COL27A1: variants seen among roughly 807,000 people sequenced by gnomAD.
COL27A1 encodes the protein collagen type XXVII alpha 1 chain.
COL27A1 carries 106 observed loss-of-function variants against 251.3 expected under a neutral mutation model. That is an observed-to-expected ratio of 0.42 (90% CI 0.36 to 0.50). COL27A1 has a LOEUF of 0.50. Among genes scored for constraint, COL27A1 ranks in the 20% least tolerant of loss-of-function variants. COL27A1 has a pLI of 0.00. For synonymous variants in COL27A1, 1,000 were observed against 986.3 expected (o/e 1.01, Z -0.26); for missense variants, 2,325 against 2,522.8 (o/e 0.92, Z 1.68).
chr9:114,295,295 C>T (rs1018371325), intron 49 of COL27A1, among the ~76,000 whole-genome samples: 24 of 152,156 alleles, frequency 1.6e-4, no homozygotes, highest in Admixed American at 3.3e-4. Context: ...TTGAGGAAGA[C>T]TTAAATAAAT....
chr9:114,233,928 C>T (rs1177412722), intron 16 of COL27A1, among the ~76,000 whole-genome samples: 3 of 152,158 alleles, frequency 2.0e-5, no homozygotes, highest in African/African-American at 7.2e-5. Context: ...CGCACACATC[C>T]GTGTCCCCTG....
At chr9:114,211,108 C>T in intron 12 of COL27A1, 82 bp downstream of exon 12, 2 of 1,399,960 alleles carry the variant, frequency 1.4e-6, no homozygotes, top group Non-Finnish European at 2.0e-6. Flanking sequence ...CCACCTGCTG[C>T]CTGGCATCTT....
rs1455681791 is a variant in COL27A1, at chr9:114,270,760, C to T, written c.3588C>T (p.Pro1196=). The T allele has an allele frequency of 6.2e-7, 1 of 1,613,270 alleles. No individual in the cohort carries two copies. Among genetic ancestry groups the T allele is most frequent in the Admixed American group, 1.7e-5 (1 of 59,826 alleles). ...GEPGLEGDSG[P]MGPDGLKGDR... is the part of the protein sequence containing the mutation. ...CAGGCCTTGAGGGTGACAGTGGCCC[C>T]ATGGGACCTGATGGGCTGAAGGTAA... The change falls in exon 36 of 61, where the codon CCC becomes CCT. Residue 1196 remains proline, a synonymous_variant. Transcript: ENST00000356083.
chr9:114,255,219 G>A (rs895464296), intron 27 of COL27A1, among the ~76,000 whole-genome samples: 3 of 152,194 alleles, frequency 2.0e-5, no homozygotes, highest in African/African-American at 7.2e-5. Context: ...TAGAAGCAGG[G>A]GGTCAGAGGA....
Position 114,205,796 on chromosome 9 carries a change from G to A in COL27A1, c.2207G>A (p.Gly736Asp). Reference protein sequence around the residue: ...PGPEGSPGAKGYPGRQGLPGP... With the variant: ...PGPEGSPGAKDYPGRQGLPGP... The stretch of plus-strand genomic sequence containing the variant: ...CCTGAGGGCAGCCCAGGGGCCAAAG[G>A]TTACCCTGGCAGGCAGGTGCAGTAT... The change falls in exon 9 of 61, where the codon GGT (glycine) becomes GAT (aspartate). Residue 736 changes from glycine to aspartate, a missense_variant. Physicochemically the swap from Gly to Asp is moderately conservative, Grantham distance 94. Coordinates refer to ENST00000356083, the MANE Select transcript of COL27A1 (RefSeq NM_032888.4). 2.5e-6 allele frequency: 4 copies of A among 1,613,638 alleles called. No individual in the cohort carries two copies. Among genetic ancestry groups the A allele is most frequent in the East Asian group, 2.2e-5 (1 of 44,886 alleles).
intron 2 of COL27A1, 24 bp downstream of exon 2, chr9:114,162,809 A>AC: frequency 6.4e-7 from 1 of 1,574,038 alleles, no homozygotes. Context: ...CTCTTTGTCC[A>AC]GGGGGAGACA....
At chr9:114,199,186 G>A (rs1314857998) in intron 7 of COL27A1, among the ~76,000 whole-genome samples, 5 of 152,080 alleles carry the variant, frequency 3.3e-5, no homozygotes, top group Non-Finnish European at 7.4e-5. Context: ...TCTCAACTTG[G>A]GGTGATTTTG....
intron 26 of COL27A1, 75 bp from the exon 27 acceptor site, chr9:114,252,804 C>A: frequency 6.6e-7 from 1 of 1,511,540 alleles, no homozygotes. Context: ...TGCACTGGGG[C>A]TGAGCCGACC....
chr9:114,237,122 T>C, intron 18 of COL27A1, 88 bp downstream of exon 18: 1 of 1,297,556 alleles, frequency 7.7e-7, no homozygotes, highest in Non-Finnish European at 1.1e-6. Flanking sequence ...CCTCCAAGAC[T>C]TCATTTCCTC....
intron 34 of COL27A1, among the ~76,000 whole-genome samples, chr9:114,267,904 C>G (rs1834857790): frequency 6.6e-6 from 1 of 152,218 alleles, no homozygotes; most frequent in Non-Finnish European, 1.5e-5. Context: ...GGAGAGCCCC[C>G]TCCCCATTCT....
At chr9:114,282,904 C>T (rs893113579) in intron 39 of COL27A1, among the ~76,000 whole-genome samples, 2 of 152,170 alleles carry the variant, frequency 1.3e-5, no homozygotes, top group Non-Finnish European at 2.9e-5. Flanking sequence ...CTGTTTTTAT[C>T]AAACAAGGAG....
intron 3 of COL27A1, among the ~76,000 whole-genome samples, chr9:114,171,277 G>A (rs1185036359): frequency 1.3e-5 from 2 of 152,116 alleles, no homozygotes; most frequent in Admixed American, 6.5e-5. Flanking sequence ...CCAAGGCCAC[G>A]CAGCACGGAG....
chr9:114,293,749 G>A (rs1828076277), intron 49 of COL27A1, among the ~76,000 whole-genome samples: 1 of 152,052 alleles, frequency 6.6e-6, no homozygotes, highest in African/African-American at 2.4e-5. Flanking sequence ...ATGATTTTAT[G>A]ACAATAAATT....
chr9:114,193,468 G>T (rs1472398838), intron 5 of COL27A1, among the ~76,000 whole-genome samples: 1 of 152,142 alleles, frequency 6.6e-6, no homozygotes, highest in Middle Eastern at 3.2e-3. Flanking sequence ...TCAAGTTACT[G>T]CCTGTTCTAA....
At position 114,265,082 on chromosome 9, in the gene COL27A1, G is replaced by C. The variant is rs146653470; in HGVS notation, c.3311G>C (p.Arg1104Pro). 6.2e-6 allele frequency: 10 copies of C among 1,610,934 alleles called. No homozygotes were observed. The highest frequency in any genetic ancestry group is 5.5e-5 in the South Asian group (5 of 91,016). The part of the protein sequence containing the change: ...RPGQQGVAGE[R>P]GHLGSRGFPG... The stretch of plus-strand genomic sequence containing the variant: ...TGCTTCCAGGGTGTGGCTGGTGAGC[G>C]AGGCCACTTGGGCTCGAGAGGCTTT... Residue 1104 changes from arginine to proline, a missense_variant, in exon 31 of 61, where the codon CGA (arginine) becomes CCA (proline). Around this residue, in one of 4 missense-constraint regions of COL27A1, gnomAD observed 662 missense variants for 795.3 expected, o/e 0.83. Coordinates refer to ENST00000356083, the MANE Select transcript of COL27A1 (RefSeq NM_032888.4).
At chr9:114,269,201 C>G (rs370597007) in intron 34 of COL27A1, 40 bp from the exon 35 acceptor site, 11 of 1,509,480 alleles carry the variant, frequency 7.3e-6, no homozygotes, top group Non-Finnish European at 1.0e-5. Context: ...CTGGGGCTGG[C>G]CCTACCCACC....
At chr9:114,261,053 C>T (rs543273823) in intron 28 of COL27A1, among the ~76,000 whole-genome samples, 6 of 152,340 alleles carry the variant, frequency 3.9e-5, no homozygotes, top group South Asian at 4.1e-4. Context: ...CTCCGTAAAA[C>T]GGGTTGGCAA....
chr9:114,264,478 C>A, intron 29 of COL27A1, 70 bp downstream of exon 29: 1 of 1,245,970 alleles, frequency 8.0e-7, no homozygotes, highest in Non-Finnish European at 1.1e-6. Flanking sequence ...ACAAGGCTCA[C>A]AGCTCCTCAG....
Position 114,247,232 on chromosome 9 carries a change from T to C in COL27A1, c.2979+1322T>C, listed in dbSNP as rs577360286. 5.3e-5 allele frequency among the ~76,000 whole-genome samples: 8 copies of C among 152,246 alleles called. No homozygotes were observed. The South Asian group carries it at 1.7e-3, about 32-fold the overall frequency. The stretch of plus-strand genomic sequence containing the variant: ...AGCAGGTGTAACAGCGGCCTCAATT[T>C]TGAAGTAATGCCAAGCCTTAGTGAT... On this transcript the variant is annotated intron_variant, in intron 24 of 60. Coordinates refer to ENST00000356083, the MANE Select transcript of COL27A1 (RefSeq NM_032888.4).
Sources: allele counts gnomAD v4.1 joint callset (sites outside exome capture counted in the v4.1 genomes callset), GRCh38; gene constraint gnomAD v4.1.1; regional missense constraint gnomAD v4.1.1; transcripts MANE v1.5; gene names NCBI Gene and HGNC (gene_info 2026-07-23, HGNC 2026-07-21).